CNTNAP2: variants seen among roughly 807,000 people sequenced by gnomAD.
The protein encoded by CNTNAP2 is contactin-associated protein-like 2.
A neutral mutation model predicts 155.2 loss-of-function variants in CNTNAP2; 98 were observed. The ratio of observed to expected loss-of-function variants is 0.63; its 90% CI spans 0.54 to 0.75. The LOEUF is 0.75. CNTNAP2 is among the 30% of genes least tolerant of loss of function. CNTNAP2 has a pLI of 0.00. For synonymous variants in CNTNAP2, 651 were observed against 631.2 expected, an observed-to-expected ratio of 1.03 and a Z score of -0.47; for missense variants, 1,727 against 1,688.1, an observed-to-expected ratio of 1.02 and a Z score of -0.40.
chr7:148,028,337 G>A (rs935826321), intron 15 of CNTNAP2, among the ~76,000 whole-genome samples: 1 of 152,166 alleles, frequency 6.6e-6, no homozygotes, highest in African/African-American at 2.4e-5. Flanking sequence ...AATCAAGGTT[G>A]CCACCTGGTA....
At chr7:146,827,266 G>C (rs908787075) in intron 2 of CNTNAP2, among the ~76,000 whole-genome samples, 6 of 151,874 alleles carry the variant, frequency 4.0e-5, no homozygotes, top group African/African-American at 1.5e-4. Context: ...AAAACAATGG[G>C]CAATCCTAAG....
chr7:147,305,540 CT>C (rs1451622490), intron 9 of CNTNAP2, among the ~76,000 whole-genome samples: 6 of 152,154 alleles, frequency 3.9e-5, no homozygotes, highest in African/African-American at 1.4e-4. Flanking sequence ...TATCAGCTGC[CT>C]TGCTTTTGTA....
At chr7:147,839,348 A>G in intron 13 of CNTNAP2, among the ~76,000 whole-genome samples, 1 of 152,208 alleles carries the variant, frequency 6.6e-6, no homozygotes, top group East Asian at 1.9e-4. Flanking sequence ...GGTACCTAAT[A>G]GATTCCAAAG....
chr7:148,214,669 C>G (rs1313720073), intron 18 of CNTNAP2, among the ~76,000 whole-genome samples: 1 of 152,118 alleles, frequency 6.6e-6, no homozygotes, highest in Non-Finnish European at 1.5e-5. Flanking sequence ...CTCCCAGGTT[C>G]AAGTGATTCT....
chr7:146,288,495 T>C (rs550452199), intron 1 of CNTNAP2, among the ~76,000 whole-genome samples: 6 of 152,196 alleles, frequency 3.9e-5, no homozygotes, highest in Admixed American at 3.3e-4. Flanking sequence ...ATAATGTTGT[T>C]TGATTAGACG....
intron 14 of CNTNAP2, among the ~76,000 whole-genome samples, chr7:147,935,425 G>A (rs1037944386): frequency 7.2e-5 from 11 of 152,140 alleles, no homozygotes; most frequent in South Asian, 6.2e-4. Context: ...GCGCCCAGCC[G>A]AGTAAATCTT....
intron 10 of CNTNAP2, among the ~76,000 whole-genome samples, chr7:147,459,679 G>C (rs1230619192): frequency 1.3e-5 from 2 of 152,142 alleles, no homozygotes; most frequent in African/African-American, 4.8e-5. Context: ...ACTGCCTTTC[G>C]AGGTTGGAAA....
At chr7:146,433,067 T>G (rs1372357300) in intron 1 of CNTNAP2, among the ~76,000 whole-genome samples, 1 of 152,114 alleles carries the variant, frequency 6.6e-6, no homozygotes, top group African/African-American at 2.4e-5. Flanking sequence ...CTAAGAAGTG[T>G]CTCGCATTTC....
chr7:146,437,064 A>T (rs1192721497), intron 1 of CNTNAP2, among the ~76,000 whole-genome samples: 1 of 151,426 alleles, frequency 6.6e-6, no homozygotes, highest in Non-Finnish European at 1.5e-5. Context: ...GCAAGTGAGC[A>T]TTACTGTCTG....
chr7:147,446,546 T>A (rs1464703189), intron 10 of CNTNAP2, among the ~76,000 whole-genome samples: 1 of 152,104 alleles, frequency 6.6e-6, no homozygotes, highest in Non-Finnish European at 1.5e-5. Context: ...CATATCCAAG[T>A]TTTCCACTGT....
intron 13 of CNTNAP2, among the ~76,000 whole-genome samples, chr7:147,689,828 T>A (rs922674339): frequency 2.0e-5 from 3 of 152,034 alleles, no homozygotes; most frequent in Non-Finnish European, 2.9e-5. Flanking sequence ...AAAAAAAAAA[T>A]TTCAAATTGC....
chr7:146,783,522 T>C (rs1370224860), intron 2 of CNTNAP2, among the ~76,000 whole-genome samples: 1 of 152,220 alleles, frequency 6.6e-6, no homozygotes, highest in Non-Finnish European at 1.5e-5. Context: ...TTGACACTTG[T>C]TATAAATGAT....
At chr7:146,450,361 T>C (rs1302897246) in intron 1 of CNTNAP2, among the ~76,000 whole-genome samples, 1 of 152,236 alleles carries the variant, frequency 6.6e-6, no homozygotes, top group African/African-American at 2.4e-5. Flanking sequence ...TTTGTAAGTA[T>C]GGAATTCTGT....
In CNTNAP2 at chr7:147,434,374, T is replaced by C. The variant is rs1399447497; in HGVS notation, c.1670+38594T>C. On this transcript the variant is annotated intron_variant, in intron 10 of 23. Transcript: ENST00000361727. ...TGTATTTCTAAAGGCCTCTCCAGGA[T>C]TATTTCAAAATCAAAATTGAAATAT... Among the ~76,000 whole-genome samples, 10 of 152,196 alleles carry C rather than the reference T, an allele frequency of 6.6e-5. No homozygotes were observed. In the East Asian group the frequency reaches 1.9e-3, roughly 29 times the overall value.
chr7:148,120,960 G>A (rs1339575784), intron 16 of CNTNAP2, among the ~76,000 whole-genome samples: 1 of 152,188 alleles, frequency 6.6e-6, no homozygotes, highest in East Asian at 1.9e-4. Context: ...GTGCTTTCAT[G>A]AAGAACATGG....
At chr7:147,599,186 T>G (rs1037398673) in intron 12 of CNTNAP2, among the ~76,000 whole-genome samples, 1 of 152,064 alleles carries the variant, frequency 6.6e-6, no homozygotes, top group Non-Finnish European at 1.5e-5. Flanking sequence ...TAGATTAAAA[T>G]GTACCATTGG....
At chr7:148,076,452 T>C (rs1803488163) in intron 15 of CNTNAP2, among the ~76,000 whole-genome samples, 2 of 136,604 alleles carry the variant, frequency 1.5e-5, no homozygotes, top group African/African-American at 5.5e-5. Flanking sequence ...TTTTTTTTTT[T>C]TGAGACAGAG....
At chr7:146,806,850 G>A (rs913555460) in intron 2 of CNTNAP2, among the ~76,000 whole-genome samples, 3 of 152,148 alleles carry the variant, frequency 2.0e-5, no homozygotes, top group Non-Finnish European at 4.4e-5. Context: ...ATGATGGAGT[G>A]TAACCTGAAT....
chr7:146,787,528 T>C (rs563341030), intron 2 of CNTNAP2, among the ~76,000 whole-genome samples: 1 of 152,254 alleles, frequency 6.6e-6, no homozygotes, highest in African/African-American at 2.4e-5. Context: ...GTGGTCTCCC[T>C]GGCCTCAGGA....
Sources: gnomAD v4.1 joint callset for allele counts (sites outside exome capture counted in the v4.1 genomes callset) on GRCh38, gnomAD v4.1.1 for gene constraint, MANE v1.5 for transcripts, NCBI Gene and HGNC (gene_info 2026-07-23, HGNC 2026-07-21) for gene names.